AURKC: variants seen among roughly 807,000 people sequenced by gnomAD.
The protein encoded by AURKC is ARK-3.
Under a neutral mutation model 29.2 loss-of-function variants are expected in AURKC, and 15 were observed. The ratio of observed to expected loss-of-function variants is 0.51; its 90% CI spans 0.34 to 0.79. The LOEUF (loss-of-function observed/expected upper bound fraction) is 0.79. Among genes scored for constraint, AURKC ranks in the 30% least tolerant of loss-of-function variants. The pLI is 0.01. For synonymous variants in AURKC, 150 were observed against 149.9 expected (o/e 1.00, Z -0.01); for missense variants, 332 against 383.2 (o/e 0.87, Z 1.12).
intron 2 of AURKC, 107 bp from the exon 3 acceptor site, chr19:57,231,926 G>T: frequency 6.2e-7 from 1 of 1,602,206 alleles, no homozygotes; most frequent in Non-Finnish European, 8.5e-7. Flanking sequence ...AGGGAAAGCG[G>T]CAGAGGAAGG....
intron 1 of AURKC, 160 bp downstream of exon 1, chr19:57,231,466 C>T: frequency 1.1e-6 from 1 of 882,314 alleles, no homozygotes; most frequent in Admixed American, 2.0e-5. Flanking sequence ...TTCTTTCTTT[C>T]ACCTCTCCCT....
intron 6 of AURKC, 46 bp from the exon 7 acceptor site, chr19:57,235,201 A>G (rs2087534431): frequency 1.9e-5 from 31 of 1,613,280 alleles, no homozygotes; most frequent in Non-Finnish European, 2.4e-5. Flanking sequence ...GACATTGATC[A>G]AAGAAATTAA....
rs556298887 is a variant in AURKC at position 57,233,564 on chromosome 19, G to A, written c.540G>A (p.Val180=). The A allele has an allele frequency of 6.2e-7, 1 of 1,614,150 alleles. No homozygotes were observed. Among genetic ancestry groups the A allele is most frequent in the South Asian group, 1.1e-5 (1 of 91,080 alleles). ...ENLLLGFRGE[V]KIADFGWSVH... is the part of the protein sequence containing the mutation. The stretch of plus-strand genomic sequence containing the variant: ...TGCTGCTGGGGTTCAGGGGTGAGGT[G>A]AAGATTGCAGATTTTGGCTGGTCTG... Residue 180 remains valine (V), a synonymous_variant, in exon 5 of 7, where the codon GTG becomes GTA. Transcript: ENST00000302804.
In AURKC at chr19:57,232,693, T is replaced by C; in HGVS notation, c.435+13T>C. On this transcript the variant is annotated intron_variant, in intron 4 of 6. Transcript: ENST00000302804. The surrounding 1 kb of genome is among the most constrained non-coding windows in gnomAD (Gnocchi z 4.5). The stretch of plus-strand genomic sequence containing the variant: ...GCGCACAGCCACGGTGAGGTGCGGG[T>C]CTGGAGGCTCTGGGGTCTCTGAGTT... The C allele has an allele frequency of 3.1e-6, 5 of 1,612,642 alleles. No homozygotes were observed. The highest frequency in any genetic ancestry group is 4.2e-6 in the Non-Finnish European group (5 of 1,180,012).
rs1185632436 is a variant in AURKC, at chr19:57,232,821, G to T, written c.435+141G>T. On this transcript the variant is annotated intron_variant, in intron 4 of 6. Coordinates refer to ENST00000302804, the MANE Select transcript of AURKC (RefSeq NM_001015878.2). This position sits in a 1 kb window ranked among gnomAD's most constrained non-coding sequence, Gnocchi z 4.5. ...GTTATTGTGTAAATTTAATATAATG[G>T]CACGTATGTTCTACAGCTTTATCCT... is the stretch of plus-strand genomic sequence containing the variant. 2 of 1,112,910 alleles carry T rather than the reference G, an allele frequency of 1.8e-6. No individual in the cohort carries two copies. Among genetic ancestry groups the T allele is most frequent in the Non-Finnish European group, 2.6e-6 (2 of 756,992 alleles). 68.9% of individuals were successfully genotyped at this position (1,112,910 alleles called of 1,614,324 possible).
In AURKC at chr19:57,232,403, T is replaced by C; in HGVS notation, c.297-139T>C. The C allele has an allele frequency of 6.8e-7, 1 of 1,460,422 alleles. No individual in the cohort carries two copies. The highest frequency in any genetic ancestry group is 1.1e-5 in the South Asian group (1 of 87,034). 90.5% of individuals were successfully genotyped at this position (1,460,422 alleles called of 1,614,324 possible). A position where few individuals can be genotyped will look rare whatever the true frequency, so the allele number is the denominator to read the frequency against. ...GAATCCTGGTTCCTGTTCTCCGTTC[T>C]CCCCTCACTTGCTCCCAGATAGGGC... On this transcript the variant is annotated intron_variant, in intron 3 of 6. Transcript: ENST00000302804. The surrounding 1 kb of genome is among the most constrained non-coding windows in gnomAD (Gnocchi z 4.5).
rs781321656 is a variant in AURKC at position 57,232,670 on chromosome 19, G to A, written c.425G>A (p.Arg142His). 19 of 1,613,522 alleles carry A rather than the reference G, an allele frequency of 1.2e-5. No homozygotes were observed. The East Asian group carries it at 2.2e-4, about 19-fold the overall frequency. The change falls in exon 4 of 7, where the codon CGC becomes CAC. Residue 142 changes from arginine to histidine, a missense_variant. Physicochemically the swap from Arg to His is conservative, Grantham distance 29. Transcript: ENST00000302804. The surrounding 1 kb of genome is among the most constrained non-coding windows in gnomAD (Gnocchi z 4.5). ...AAAAGCGAGAAATTAGATGAACAGCGCACAGCCACGGTGAGGTGCGGGTCT... is the reference window on the plus strand; with the variant it reads ...AAAAGCGAGAAATTAGATGAACAGCACACAGCCACGGTGAGGTGCGGGTCT... The part of the protein sequence containing the change: ...LQKSEKLDEQ[R>H]TATIIEELAD...
At chr19:57,233,641 G>A (rs2087516737) in intron 5 of AURKC, 33 bp downstream of exon 5, 4 of 1,612,866 alleles carry the variant, frequency 2.5e-6, no homozygotes, top group Non-Finnish European at 3.4e-6. Context: ...GGTGAGTTCT[G>A]AGTACCAGTT....
intron 4 of AURKC, among the ~76,000 whole-genome samples, 183 bp from the exon 5 acceptor site, chr19:57,233,277 A>G (rs2087511993): frequency 6.6e-6 from 1 of 152,216 alleles, no homozygotes; most frequent in Non-Finnish European, 1.5e-5. Flanking sequence ...CTATAAGACC[A>G]CATAAAAAGG....
Position 57,235,397 on chromosome 19 carries a change from T to G in AURKC, c.910T>G (p.Cys304Gly). 6.2e-7 allele frequency: 1 copy of G among 1,613,980 alleles called. No individual in the cohort carries two copies. Among genetic ancestry groups the G allele is most frequent in the Non-Finnish European group, 8.5e-7 (1 of 1,180,044 alleles). The stretch of plus-strand genomic sequence containing the variant: ...CCACTCCCGAAGGGTGCTGCCTCCC[T>G]GTGCTCAGATGGCTTCCTGAGCCCT... ...QAHSRRVLPP[C>G]AQMAS The change falls in exon 7 of 7, where the codon TGT becomes GGT. Residue 304 changes from cysteine to glycine, a missense_variant. Coordinates refer to ENST00000302804, the MANE Select transcript of AURKC (RefSeq NM_001015878.2).
intron 4 of AURKC, 71 bp from the exon 5 acceptor site, chr19:57,233,389 G>A: frequency 6.2e-7 from 1 of 1,604,202 alleles, no homozygotes. Flanking sequence ...ACAATTCATG[G>A]TAAGTGTTCC....
At chr19:57,233,729 C>T in intron 5 of AURKC, 121 bp downstream of exon 5, 1 of 1,325,166 alleles carries the variant, frequency 7.5e-7, no homozygotes, top group Non-Finnish European at 1.1e-6. Flanking sequence ...TATTGGAATA[C>T]TGCCTTTTTC....
At chr19:57,234,439 A>T (rs918966222) in intron 5 of AURKC, among the ~76,000 whole-genome samples, 2 of 152,116 alleles carry the variant, frequency 1.3e-5, no homozygotes, top group Admixed American at 1.3e-4. Flanking sequence ...TTATTTTCTG[A>T]TCTTTGTTAA....
Position 57,233,621 on chromosome 19 carries a change from G to A in AURKC, c.584+13G>A, listed in dbSNP as rs377286371. 3.1e-6 allele frequency: 5 copies of A among 1,613,400 alleles called. No homozygotes were observed. The highest frequency in any genetic ancestry group is 3.4e-6 in the Non-Finnish European group (4 of 1,179,976). On this transcript the variant is annotated intron_variant, in intron 5 of 6. Coordinates refer to ENST00000302804, the MANE Select transcript of AURKC (RefSeq NM_001015878.2). ...CCCCCTCCCTGAGGTAGGTCAGGTG[G>A]TGGTGGTAGGGTGAGTTCTGAGTAC...
chr19:57,235,136 G>C, intron 6 of AURKC, 78 bp downstream of exon 6: 2 of 1,608,024 alleles, frequency 1.2e-6, no homozygotes, highest in Non-Finnish European at 1.7e-6. Flanking sequence ...CACACACACA[G>C]GGTTGTCTTC....
chr19:57,234,817 G>A (rs925978152), intron 5 of AURKC, 67 bp from the exon 6 acceptor site: 16 of 1,591,142 alleles, frequency 1.0e-5, no homozygotes, highest in Non-Finnish European at 1.4e-5. Flanking sequence ...ATGAAAGCTG[G>A]GGAAGGAGAA....
In AURKC at chr19:57,235,434, T is replaced by A; in HGVS notation, c.*17T>A. On this transcript the variant is annotated 3_prime_UTR_variant, in exon 7 of 7. Transcript: ENST00000302804. ...GCTTCCTGAGCCCTGTCTGCCTCTG[T>A]TCCCTTTGTGTGTGTTCAGGGAGCT... is the stretch of plus-strand genomic sequence containing the variant. 1 of 1,613,182 alleles carries A rather than the reference T, an allele frequency of 6.2e-7. No individual in the cohort carries two copies. Among genetic ancestry groups the A allele is most frequent in the Non-Finnish European group, 8.5e-7 (1 of 1,179,998 alleles).
chr19:57,231,848 C>T, intron 2 of AURKC, 61 bp downstream of exon 2: 1 of 1,613,754 alleles, frequency 6.2e-7, no homozygotes, highest in Non-Finnish European at 8.5e-7. Flanking sequence ...GGATGAAGAA[C>T]AGACTGGGTG....
chr19:57,234,053 CT>C (rs10586926), intron 5 of AURKC, among the ~76,000 whole-genome samples: 3,447 of 112,530 alleles, frequency 0.031, 118 homozygotes, highest in African/African-American at 0.11. Context: ...TTTTTCTTTT[CT>C]TTTTTTTTTT....
Sources: gnomAD v4.1 joint callset for allele counts (sites outside exome capture counted in the v4.1 genomes callset) on GRCh38, gnomAD v4.1.1 for gene constraint, Gnocchi (gnomAD v3.1) non-coding constraint, MANE v1.5 for transcripts, NCBI Gene and HGNC (gene_info 2026-07-23, HGNC 2026-07-21) for gene names.